The following SLC13A4 variants were observed in gnomAD, a reference collection of about 807,000 sequenced individuals.
The protein encoded by SLC13A4 is solute carrier family 13 member 4.
Under a neutral mutation model 72.7 loss-of-function variants are expected in SLC13A4, and 28 were observed. That is an observed-to-expected ratio of 0.39 (90% confidence interval 0.29 to 0.53). SLC13A4 has a LOEUF of 0.53. SLC13A4 is among the 20% of genes least tolerant of loss of function. The probability of loss-of-function intolerance (pLI) is 0.78; values close to 1 mark genes in which losing one functional copy is unlikely to be tolerated. For synonymous variants in SLC13A4, 312 were observed against 325.5 expected, an observed-to-expected ratio of 0.96 and a Z score of 0.45; for missense variants, 653 against 788.0, an observed-to-expected ratio of 0.83 and a Z score of 2.05.
intron 2 of SLC13A4, among the ~76,000 whole-genome samples, chr7:135,710,591 A>G (rs543740641): frequency 2.2e-4 from 33 of 151,470 alleles, no homozygotes; most frequent in African/African-American, 7.5e-4. Context: ...GTAGGGGGGG[A>G]AGTGGGAGGG....
intron 2 of SLC13A4, among the ~76,000 whole-genome samples, chr7:135,718,691 G>A (rs921747916): frequency 2.6e-5 from 4 of 152,146 alleles, no homozygotes; most frequent in Admixed American, 2.6e-4. Flanking sequence ...GTCAAAGAAC[G>A]GGAGAGAACT....
chr7:135,682,190 C>T (rs917775687), intron 15 of SLC13A4, among the ~76,000 whole-genome samples: 5 of 152,132 alleles, frequency 3.3e-5, no homozygotes, highest in African/African-American at 9.7e-5. Flanking sequence ...CTTGGGGAAA[C>T]GGTTTAGCTG....
chr7:135,717,804 A>T (rs1319497168), intron 2 of SLC13A4, among the ~76,000 whole-genome samples: 3 of 152,148 alleles, frequency 2.0e-5, no homozygotes, highest in Non-Finnish European at 2.9e-5. Context: ...TGCCATCTGG[A>T]CAGACATCAT....
At chr7:135,715,462 CAT>C (rs200904917) in intron 2 of SLC13A4, among the ~76,000 whole-genome samples, 1,936 of 149,390 alleles carry the variant, frequency 0.013, 40 homozygotes, top group African/African-American at 0.045. Context: ...TGCATTAGTG[CAT>C]ATGAGTGTGT....
chr7:135,716,583 G>C (rs1292037901), intron 2 of SLC13A4, among the ~76,000 whole-genome samples: 1 of 152,232 alleles, frequency 6.6e-6, no homozygotes, highest in Non-Finnish European at 1.5e-5. Flanking sequence ...AAAGTGCTGG[G>C]ATTACAGGCG....
intron 7 of SLC13A4, among the ~76,000 whole-genome samples, chr7:135,701,239 C>G (rs3110798): frequency 0.68 from 103,710 of 152,130 alleles, 35,699 homozygotes; most frequent in East Asian, 0.89. Flanking sequence ...TTGAAATCAA[C>G]GGTCGTAAGT....
intron 10 of SLC13A4, chr7:135,693,100 CAAAAAAAAAAAAAAA>C (rs776332933): frequency 5.6e-5 from 3 of 53,108 alleles, no homozygotes; most frequent in African/African-American, 2.5e-4. Flanking sequence ...GACTCCATCC[CAAAAAAAAAAAAAAA>C]AAAAAAAAAA....
intron 2 of SLC13A4, among the ~76,000 whole-genome samples, chr7:135,715,953 C>G (rs1379401613): frequency 6.6e-6 from 1 of 152,200 alleles, no homozygotes; most frequent in Non-Finnish European, 1.5e-5. Flanking sequence ...CAACCCATCT[C>G]CCAAGGCACA....
intron 6 of SLC13A4, chr7:135,701,980 C>T (rs1796046925): frequency 2.1e-6 from 1 of 477,018 alleles, no homozygotes; most frequent in Non-Finnish European, 3.7e-6. Context: ...TGAAACTAGG[C>T]AGAACATGGC....
chr7:135,709,428 A>ATTTTT (rs1384667643), intron 2 of SLC13A4, among the ~76,000 whole-genome samples: 1,575 of 25,994 alleles, frequency 0.061, 25 homozygotes, highest in African/African-American at 0.16. Flanking sequence ...TTTTTTTTAA[A>ATTTTT]AAAAAATTTG....
At chr7:135,715,166 T>C (rs1397541986) in intron 2 of SLC13A4, among the ~76,000 whole-genome samples, 2 of 151,502 alleles carry the variant, frequency 1.3e-5, no homozygotes, top group African/African-American at 4.9e-5. Flanking sequence ...TGTGAGAGTA[T>C]ATATGTGTAT....
At chr7:135,719,517 C>T (rs1231749438) in intron 2 of SLC13A4, among the ~76,000 whole-genome samples, 12 of 152,122 alleles carry the variant, frequency 7.9e-5, no homozygotes, top group African/African-American at 2.9e-4. Context: ...GGAGAACAAG[C>T]TTGTATAGCT....
intron 13 of SLC13A4, among the ~76,000 whole-genome samples, chr7:135,690,335 A>G (rs1795752216): frequency 6.6e-6 from 1 of 152,062 alleles, no homozygotes; most frequent in African/African-American, 2.4e-5. Context: ...AGGAAATTCA[A>G]TCATCCCCTC....
chr7:135,681,982 G>A (rs767227079), intron 15 of SLC13A4, among the ~76,000 whole-genome samples: 1 of 152,198 alleles, frequency 6.6e-6, no homozygotes, highest in Non-Finnish European at 1.5e-5. Flanking sequence ...TCTGTGGAAC[G>A]TGAAGAGGTA....
chr7:135,682,490 G>A (rs528684983), intron 15 of SLC13A4, among the ~76,000 whole-genome samples: 9 of 152,370 alleles, frequency 5.9e-5, no homozygotes, highest in African/African-American at 1.9e-4. Context: ...AAATTGCAAG[G>A]GGAAAGTGGA....
intron 2 of SLC13A4, among the ~76,000 whole-genome samples, chr7:135,715,870 C>T (rs60951946): frequency 6.6e-6 from 1 of 152,154 alleles, no homozygotes; most frequent in Non-Finnish European, 1.5e-5. Flanking sequence ...ACACACAAAC[C>T]TAAAATACAG....
rs1051516367 is a variant in SLC13A4, at chr7:135,701,620, TG to T, written c.714+59del. The T allele has an allele frequency of 3.9e-6, 6 of 1,537,194 alleles. No homozygotes were observed. The Admixed American group carries it at 6.8e-5, about 17-fold the overall frequency. On this transcript the variant is annotated intron_variant, in intron 7 of 15. Transcript: ENST00000682651. Reference sequence around the variant, plus strand: ...CTTACGACTTCAAGACCAGTGCCCTTGGGAAGCAGTTCACAGCGTTTCATGT... The same window carrying T: ...CTTACGACTTCAAGACCAGTGCCCTTGGAAGCAGTTCACAGCGTTTCATGT...
intron 14 of SLC13A4, among the ~76,000 whole-genome samples, chr7:135,684,971 C>T (rs570467618): frequency 6.6e-6 from 1 of 152,250 alleles, no homozygotes; most frequent in Admixed American, 6.5e-5. Flanking sequence ...CCGTTGCTCC[C>T]CTCCCTTATT....
chr7:135,724,133 C>A (rs1231643612), intron 1 of SLC13A4, among the ~76,000 whole-genome samples: 3 of 152,120 alleles, frequency 2.0e-5, no homozygotes, highest in Non-Finnish European at 4.4e-5. Context: ...AACCCTTAGT[C>A]TTTCTTGATC....
Sources: gnomAD v4.1 joint callset for allele counts (sites outside exome capture counted in the v4.1 genomes callset) on GRCh38, gnomAD v4.1.1 for gene constraint, MANE v1.5 for transcripts, NCBI Gene and HGNC (gene_info 2026-07-23, HGNC 2026-07-21) for gene names.